ARHGEF26: variants seen among roughly 807,000 people sequenced by gnomAD.
The protein encoded by ARHGEF26 is Rho guanine nucleotide exchange factor 26, also known as Rho guanine nucleotide exchange factor (GEF) 26.
Under a neutral mutation model 89.4 loss-of-function variants are expected in ARHGEF26, and 59 were observed. The observed-to-expected ratio is 0.66, with a 90% CI of 0.54 to 0.82. The LOEUF is 0.82. Ranked by LOEUF, ARHGEF26 falls within the 40% of genes least tolerant of loss-of-function variation. The pLI, the probability that ARHGEF26 is intolerant of heterozygous loss-of-function variation, is 0.00. For missense variants in ARHGEF26, 1,234 were observed against 1,085.6 expected, an observed-to-expected ratio of 1.14 and a Z score of -1.92; for synonymous variants, 500 against 428.4, an observed-to-expected ratio of 1.17 and a Z score of -2.06.
At chr3:154,151,565 G>T (rs1356267647) in intron 5 of ARHGEF26, among the ~76,000 whole-genome samples, 1 of 152,066 alleles carries the variant, frequency 6.6e-6, no homozygotes. Flanking sequence ...AATTCAATAC[G>T]CAGGTTAAAT....
At chr3:154,146,377 A>G (rs1719708817) in intron 4 of ARHGEF26, among the ~76,000 whole-genome samples, 1 of 152,078 alleles carries the variant, frequency 6.6e-6, no homozygotes, top group Non-Finnish European at 1.5e-5. Context: ...CCTTCAGACC[A>G]TAGCACAAGG....
intron 6 of ARHGEF26, among the ~76,000 whole-genome samples, chr3:154,184,953 T>C (rs1713428143): frequency 6.6e-6 from 1 of 152,200 alleles, no homozygotes; most frequent in Non-Finnish European, 1.5e-5. Context: ...TCCACTGAAC[T>C]TCCCAGTTTC....
chr3:154,129,851 A>C, intron 4 of ARHGEF26, 132 bp downstream of exon 4: 1 of 1,115,488 alleles, frequency 9.0e-7, no homozygotes, highest in Non-Finnish European at 1.3e-6. Context: ...TAGATTGTGA[A>C]ATGTTTCTCG....
chr3:154,256,600 AC>A lies in ARHGEF26; in HGVS notation c.*1128del. On this transcript the variant is annotated 3_prime_UTR_variant, in exon 15 of 15. Transcript: ENST00000465093. ...ACCTTCCCAAATGAGCTGATAAAAA[AC>A]TGACGTGAGGCTGCTTTGCCTTCAA... The A allele has an allele frequency of 1.8e-6, 2 of 1,103,690 alleles. No individual in the cohort carries two copies. The highest frequency in any genetic ancestry group is 2.2e-6 in the Non-Finnish European group (2 of 910,262). 68.4% of individuals were successfully genotyped at this position (1,103,690 alleles called of 1,614,324 possible).
chr3:154,180,664 T>C (rs754358438), intron 6 of ARHGEF26, among the ~76,000 whole-genome samples: 12 of 5,144 alleles, frequency 2.3e-3, no homozygotes, highest in Non-Finnish European at 3.0e-3. Context: ...CAGAGCATTT[T>C]TGTTTAGAAC....
At chr3:154,151,086 G>T (rs986860423) in intron 5 of ARHGEF26, among the ~76,000 whole-genome samples, 2 of 152,150 alleles carry the variant, frequency 1.3e-5, no homozygotes, top group Non-Finnish European at 2.9e-5. Context: ...CAGAGTGGGG[G>T]AAAAGAAGGA....
Position 154,255,620 on chromosome 3 carries a change from GCT to G in ARHGEF26, c.*153_*154del. The G allele has an allele frequency of 1.7e-5, 24 of 1,443,512 alleles. No individual in the cohort carries two copies. Among genetic ancestry groups the G allele is most frequent in the Non-Finnish European group, 2.2e-5 (24 of 1,104,310 alleles). The allele number at this position is 1,443,512 out of a possible 1,614,324, so 89.4% of individuals were successfully genotyped here. A position where few individuals can be genotyped will look rare whatever the true frequency, so the allele number is the denominator to read the frequency against. ...GCCTTTAAGCTTGCCAGGTTGTTCT[GCT>G]CTCTCATGAGAAGAGCTTGGATACA... On this transcript the variant is annotated 3_prime_UTR_variant, in exon 15 of 15. Transcript: ENST00000465093.
chr3:154,158,702 T>G (rs1291876566), intron 6 of ARHGEF26, among the ~76,000 whole-genome samples: 1 of 152,204 alleles, frequency 6.6e-6, no homozygotes, highest in Non-Finnish European at 1.5e-5. Context: ...AATGGAGTAT[T>G]TGATATCATC....
At chr3:154,248,889 C>T (rs1001051063) in intron 12 of ARHGEF26, among the ~76,000 whole-genome samples, 1 of 151,898 alleles carries the variant, frequency 6.6e-6, no homozygotes, top group African/African-American at 2.4e-5. Flanking sequence ...CTTTTTTTCA[C>T]GCTATGGGGC....
intron 9 of ARHGEF26, among the ~76,000 whole-genome samples, chr3:154,204,967 T>A (rs1714921928): frequency 6.6e-6 from 1 of 152,192 alleles, no homozygotes; most frequent in African/African-American, 2.4e-5. Flanking sequence ...ATCCAAAGAA[T>A]GTGTATTTTA....
chr3:154,240,000 A>G (rs1301615394), intron 11 of ARHGEF26, among the ~76,000 whole-genome samples: 1 of 152,068 alleles, frequency 6.6e-6, no homozygotes, highest in Admixed American at 6.6e-5. Context: ...GCATGAGTAG[A>G]AGGCTCCTCC....
intron 6 of ARHGEF26, among the ~76,000 whole-genome samples, chr3:154,183,350 C>A (rs1438080221): frequency 6.6e-6 from 1 of 152,168 alleles, no homozygotes; most frequent in Non-Finnish European, 1.5e-5. Flanking sequence ...ACATGAACAT[C>A]TTGGTAATAC....
At position 154,123,182 on chromosome 3, in the gene ARHGEF26, A is replaced by G. The variant is rs527859493; in HGVS notation, c.1083+107A>G. On this transcript the variant is annotated intron_variant, in intron 2 of 14. Transcript: ENST00000465093. ...AAACCCGAAGAAGTCATTCCGTTTTAATTCTGTGTTTTGCTCTTGATTGCT... is the reference window on the plus strand; with the variant it reads ...AAACCCGAAGAAGTCATTCCGTTTTGATTCTGTGTTTTGCTCTTGATTGCT... 3.6e-5 allele frequency: 53 copies of G among 1,475,962 alleles called. No individual in the cohort carries two copies. In the South Asian group the frequency reaches 6.9e-4, roughly 19 times the overall value. 91.4% of individuals were successfully genotyped at this position (1,475,962 alleles called of 1,614,324 possible). A position where few individuals can be genotyped will look rare whatever the true frequency, so the allele number is the denominator to read the frequency against.
intron 11 of ARHGEF26, among the ~76,000 whole-genome samples, chr3:154,239,295 A>T (rs553894599): frequency 0.13 from 7,571 of 56,586 alleles, 197 homozygotes; most frequent in East Asian, 0.29. Context: ...AGAGAGAGAG[A>T]GAGAGTGTGT....
In ARHGEF26 at chr3:154,142,477, C is replaced by CT. The variant is rs144173658; in HGVS notation, c.1270-6909dup. Among the ~76,000 whole-genome samples, 1,111 of 152,262 alleles carry CT rather than the reference C, an allele frequency of 7.3e-3. 12 individuals are homozygous for CT. Among genetic ancestry groups the CT allele is most frequent in the African/African-American group, 0.026 (1,082 of 41,546 alleles). On this transcript the variant is annotated intron_variant, in intron 4 of 14. Coordinates refer to ENST00000465093, the MANE Select transcript of ARHGEF26 (RefSeq NM_015595.4). ...TCCTGTCCAAAGAAACCACTGCCTG[C>CT]TTTGTACATCTAATGGAAAGCATCA... is the stretch of plus-strand genomic sequence containing the variant.
chr3:154,170,121 C>T (rs547804218), intron 6 of ARHGEF26, among the ~76,000 whole-genome samples: 4 of 151,480 alleles, frequency 2.6e-5, no homozygotes, highest in Non-Finnish European at 5.9e-5. Context: ...CAGCACTTTG[C>T]GAGGCCAAGG....
chr3:154,146,893 T>C (rs1192002461), intron 4 of ARHGEF26, among the ~76,000 whole-genome samples: 1 of 152,214 alleles, frequency 6.6e-6, no homozygotes, highest in Non-Finnish European at 1.5e-5. Context: ...TTATACAAAA[T>C]CAAGAACCTC....
Position 154,122,039 on chromosome 3 carries a change from C to A in ARHGEF26, c.47C>A (p.Pro16His). ...GATTTTTCTAGCAACAGCATAACCC[C>A]TTTGTGGCGGAGGCGGTCGATTCCT... ...EVDFSSNSIT[P>H]LWRRRSIPQP... is the part of the protein sequence containing the mutation. The change falls in exon 2 of 15, where the codon CCT becomes CAT. Residue 16 changes from proline to histidine, a missense_variant. Transcript: ENST00000465093. 6.2e-7 allele frequency: 1 copy of A among 1,611,644 alleles called. No homozygotes were observed.
rs376119677 is a variant in ARHGEF26 at position 154,208,508 on chromosome 3, A to G, written c.1846-9361A>G. Among the ~76,000 whole-genome samples the G allele has an allele frequency of 4.5e-4, 69 of 152,196 alleles. No homozygotes were observed. In the East Asian group the frequency reaches 9.7e-3, roughly 21 times the overall value. On this transcript the variant is annotated intron_variant, in intron 9 of 14. Coordinates refer to ENST00000465093, the MANE Select transcript of ARHGEF26 (RefSeq NM_015595.4). ...CTCTAGGTTTGGGAAGTTCTCTGTT[A>G]TATCCCTTTGAATAAAGTTTCTACC...
Sources: gnomAD v4.1 joint callset for allele counts (sites outside exome capture counted in the v4.1 genomes callset) on GRCh38, gnomAD v4.1.1 for gene constraint, MANE v1.5 for transcripts, NCBI Gene and HGNC (gene_info 2026-07-23, HGNC 2026-07-21) for gene names.